The following AGAP1 variants were observed in gnomAD, a reference collection of about 807,000 sequenced individuals.
The protein encoded by AGAP1 is ArfGAP with GTPase domain, ankyrin repeat and PH domain 1.
AGAP1 carries 29 observed loss-of-function variants against 105.3 expected under a neutral mutation model. The ratio of observed to expected loss-of-function variants is 0.28; its 90% CI spans 0.21 to 0.38. The LOEUF (loss-of-function observed/expected upper bound fraction) is 0.38, where lower values mean the gene tolerates loss of function less well. AGAP1 is among the 10% of genes least tolerant of loss of function. The probability of loss-of-function intolerance (pLI) is 1.00; values close to 1 mark genes in which losing one functional copy is unlikely to be tolerated. For missense variants in AGAP1, 998 were observed against 1,165.1 expected, an observed-to-expected ratio of 0.86 and a Z score of 2.09; for synonymous variants, 509 against 485.9, an observed-to-expected ratio of 1.05 and a Z score of -0.63.
chr2:235,504,619 T>G (rs764267659), intron 1 of AGAP1, among the ~76,000 whole-genome samples: 2 of 152,148 alleles, frequency 1.3e-5, no homozygotes, highest in Non-Finnish European at 2.9e-5. Context: ...TGGCCTCATT[T>G]CTGTCGGGTG....
At chr2:235,809,910 A>G (rs138812234) in intron 9 of AGAP1, among the ~76,000 whole-genome samples, 1 of 152,266 alleles carries the variant, frequency 6.6e-6, no homozygotes, top group Non-Finnish European at 1.5e-5. Context: ...ACAAGATCCC[A>G]CTTAATCCTC....
At chr2:235,629,266 CATTGTGT>C (rs1361764857) in intron 1 of AGAP1, among the ~76,000 whole-genome samples, 22 of 133,510 alleles carry the variant, frequency 1.6e-4, no homozygotes, top group African/African-American at 5.6e-4. Flanking sequence ...GAGTAGTAGT[CATTGTGT>C]GTGTGTGTGT....
At position 235,751,413 on chromosome 2, in the gene AGAP1, C is replaced by T. The variant is rs947842468; in HGVS notation, c.673+925C>T. Among the ~76,000 whole-genome samples the T allele has an allele frequency of 3.3e-5, 5 of 151,876 alleles. No individual in the cohort carries two copies. Among genetic ancestry groups the T allele is most frequent in the Admixed American group, 6.6e-5 (1 of 15,258 alleles). The stretch of plus-strand genomic sequence containing the variant: ...CCTGCTCTGGTGCCCAGGGGGTTGT[C>T]GGGGGCAGAGCAGGGCAGCCACACT... On this transcript the variant is annotated intron_variant, in intron 6 of 17. Transcript: ENST00000304032. This position sits in a 1 kb window ranked among gnomAD's most constrained non-coding sequence, Gnocchi z 5.3.
chr2:235,731,299 CA>C (rs1477013370), intron 3 of AGAP1, among the ~76,000 whole-genome samples: 1 of 152,198 alleles, frequency 6.6e-6, no homozygotes, highest in Admixed American at 6.5e-5. Context: ...GTTATTTTAT[CA>C]CTTGCTTACC....
chr2:235,859,072 G>A (rs779077722), intron 9 of AGAP1, among the ~76,000 whole-genome samples: 25 of 152,264 alleles, frequency 1.6e-4, no homozygotes, highest in Non-Finnish European at 3.7e-4. Flanking sequence ...TACTGGTGCC[G>A]GGCACTAATG....
In AGAP1 at chr2:236,076,108, A is replaced by G. The variant is rs2058630077; in HGVS notation, c.2114+26827A>G. On this transcript the variant is annotated intron_variant, in intron 16 of 17. Coordinates refer to ENST00000304032, the MANE Select transcript of AGAP1 (RefSeq NM_001037131.3). The surrounding 1 kb of genome is among the most constrained non-coding windows in gnomAD (Gnocchi z 4.4). ...TCAGAGACACCCCTCAATCAGATCT[A>G]GGAATTGAAAGTCAGATTGGTTTCA... is the stretch of plus-strand genomic sequence containing the variant. Among the ~76,000 whole-genome samples the G allele has an allele frequency of 1.3e-5, 2 of 152,326 alleles. No individual in the cohort carries two copies. Among genetic ancestry groups the G allele is most frequent in the Admixed American group, 1.3e-4 (2 of 15,310 alleles).
At chr2:235,803,581 A>G (rs1421124862) in intron 8 of AGAP1, among the ~76,000 whole-genome samples, 1 of 152,226 alleles carries the variant, frequency 6.6e-6, no homozygotes, top group Non-Finnish European at 1.5e-5. Flanking sequence ...TTAGAACATC[A>G]TAAAGAGGCC....
chr2:235,895,511 A>T (rs542615971), intron 10 of AGAP1, among the ~76,000 whole-genome samples: 9 of 151,834 alleles, frequency 5.9e-5, no homozygotes, highest in South Asian at 2.1e-4. Context: ...CCTCTTTCCA[A>T]TCCTGGCTTA....
chr2:235,967,662 T>C lies in AGAP1; in HGVS notation c.1484-800T>C, dbSNP rs1040080289. On this transcript the variant is annotated intron_variant, in intron 12 of 17. Transcript: ENST00000304032. The surrounding 1 kb of genome is among the most constrained non-coding windows in gnomAD (Gnocchi z 4.7). ...AAAACTTTTCAAGACGCCGTAGGCATGCACCACCTGTTTTTCCTGCACGTT... is the reference window on the plus strand; with the variant it reads ...AAAACTTTTCAAGACGCCGTAGGCACGCACCACCTGTTTTTCCTGCACGTT... 6.6e-6 allele frequency among the ~76,000 whole-genome samples: 1 copy of C among 152,236 alleles called. No homozygotes were observed. Among genetic ancestry groups the C allele is most frequent in the African/African-American group, 2.4e-5 (1 of 41,456 alleles).
rs1378328695 is a variant in AGAP1 at position 235,930,847 on chromosome 2, C to T, written c.1407C>T (p.His469=). 5.0e-6 allele frequency: 8 copies of T among 1,614,184 alleles called. No homozygotes were observed. Among genetic ancestry groups the T allele is most frequent in the Non-Finnish European group, 5.1e-6 (6 of 1,180,038 alleles). The change falls in exon 12 of 18, where the codon CAC becomes CAT. Residue 469 remains histidine (H), a synonymous_variant. Transcript: ENST00000304032. The surrounding 1 kb of genome is among the most constrained non-coding windows in gnomAD (Gnocchi z 7.9). ...VSFNSRPDGM[H]QRSYSVSSAD... is the part of the protein sequence containing the mutation. ...TCAACAGCCGACCCGACGGCATGCA[C>T]CAGCGCTCCTACTCAGTCTCCAGTG...
intron 13 of AGAP1, among the ~76,000 whole-genome samples, chr2:235,997,557 C>G (rs116776992): frequency 6.6e-6 from 1 of 151,312 alleles, no homozygotes; most frequent in Non-Finnish European, 1.5e-5. Context: ...CTTCCACGCC[C>G]GCAGCATCTA....
chr2:235,693,067 G>A (rs114748722), intron 1 of AGAP1, among the ~76,000 whole-genome samples: 40 of 152,272 alleles, frequency 2.6e-4, no homozygotes, highest in African/African-American at 9.6e-4. Context: ...TGTGGGCTGC[G>A]GCAGTCACCA....
In AGAP1 at chr2:236,062,828, A is replaced by G. The variant is rs2058239490; in HGVS notation, c.2114+13547A>G. Among the ~76,000 whole-genome samples, 3 of 151,540 alleles carry G rather than the reference A, an allele frequency of 2.0e-5. No individual in the cohort carries two copies. Among genetic ancestry groups the G allele is most frequent in the Admixed American group, 6.6e-5 (1 of 15,206 alleles). On this transcript the variant is annotated intron_variant, in intron 16 of 17. Coordinates refer to ENST00000304032, the MANE Select transcript of AGAP1 (RefSeq NM_001037131.3). This position sits in a 1 kb window ranked among gnomAD's most constrained non-coding sequence, Gnocchi z 4.2. ...AGGCTCCCGCCACCTTACCCAGCTA[A>G]TGTTTGTATTTTTAGTAGAGATGGG... is the stretch of plus-strand genomic sequence containing the variant.
chr2:235,805,374 G>T (rs543557932), intron 8 of AGAP1, among the ~76,000 whole-genome samples: 38 of 152,246 alleles, frequency 2.5e-4, no homozygotes, highest in Admixed American at 7.8e-4. Flanking sequence ...TCTGAGAATG[G>T]ATTGGCTGGG....
intron 9 of AGAP1, among the ~76,000 whole-genome samples, chr2:235,869,375 G>A (rs1257827970): frequency 7.5e-6 from 1 of 133,430 alleles, no homozygotes; most frequent in South Asian, 2.7e-4. Context: ...ACAAGGTCAG[G>A]AGATTGAGAC....
At chr2:235,758,273 T>TC (rs1473080136) in intron 6 of AGAP1, among the ~76,000 whole-genome samples, 1 of 152,194 alleles carries the variant, frequency 6.6e-6, no homozygotes, top group Non-Finnish European at 1.5e-5. Context: ...GATTAATGGG[T>TC]CATTAATTGT....
Position 236,082,024 on chromosome 2 carries a change from A to C in AGAP1, c.2114+32743A>C, listed in dbSNP as rs1223729458. ...ATAGCACGCCTAGTCACTAATCCAA[A>C]AGGAATGTGAAAAAAGAGTTGTTTT... On this transcript the variant is annotated intron_variant, in intron 16 of 17. Transcript: ENST00000304032. This position sits in a 1 kb window ranked among gnomAD's most constrained non-coding sequence, Gnocchi z 4.2. 1.3e-5 allele frequency among the ~76,000 whole-genome samples: 2 copies of C among 152,206 alleles called. No individual in the cohort carries two copies. Among genetic ancestry groups the C allele is most frequent in the African/African-American group, 4.8e-5 (2 of 41,454 alleles).
rs943921445 is a variant in AGAP1, at chr2:236,125,363, C to T, written c.*1241C>T. On this transcript the variant is annotated 3_prime_UTR_variant, in exon 18 of 18. Transcript: ENST00000304032. The surrounding 1 kb of genome is among the most constrained non-coding windows in gnomAD (Gnocchi z 5.2). ...GATAAGAGGGTTACAGATCATTGTA[C>T]ATGGAAAATATTCCCAGCAGTAAAC... is the stretch of plus-strand genomic sequence containing the variant. 6.6e-6 allele frequency: 1 copy of T among 152,484 alleles called. No homozygotes were observed. The highest frequency in any genetic ancestry group is 2.4e-5 in the African/African-American group (1 of 41,400). 9.4% of individuals were successfully genotyped at this position (152,484 alleles called of 1,614,324 possible).
At chr2:235,718,505 T>A (rs993365476) in intron 3 of AGAP1, 1 of 683,522 alleles carries the variant, frequency 1.5e-6, no homozygotes, top group African/African-American at 2.0e-5. Flanking sequence ...CCATCCTGTT[T>A]TGTTTCATTT....
Sources: gnomAD v4.1 joint callset for allele counts (sites outside exome capture counted in the v4.1 genomes callset) on GRCh38, gnomAD v4.1.1 for gene constraint, Gnocchi (gnomAD v3.1) non-coding constraint, MANE v1.5 for transcripts, NCBI Gene and HGNC (gene_info 2026-07-23, HGNC 2026-07-21) for gene names.